The following PRDM11 variants were observed in gnomAD, a reference collection of about 807,000 sequenced individuals.
The protein encoded by PRDM11 is PR/SET domain 11, also known as PR domain-containing protein 11.
In PRDM11, 20 loss-of-function variants were observed where a neutral mutation model predicts 97.8. The ratio of observed to expected loss-of-function variants is 0.20; its 90% CI spans 0.14 to 0.30. The LOEUF (loss-of-function observed/expected upper bound fraction) is 0.30. PRDM11 is among the 10% of genes least tolerant of loss of function. The pLI, the probability that PRDM11 is intolerant of heterozygous loss-of-function variation, is 1.00. For synonymous variants in PRDM11, 599 were observed against 637.7 expected, an observed-to-expected ratio of 0.94 and a Z score of 0.91; for missense variants, 1,139 against 1,555.2, an observed-to-expected ratio of 0.73 and a Z score of 4.50.
intron 1 of PRDM11, among the ~76,000 whole-genome samples, chr11:45,177,331 T>C (rs866100334): frequency 1.3e-5 from 2 of 152,256 alleles, no homozygotes; most frequent in Non-Finnish European, 2.9e-5. Context: ...TGCCAGCAGC[T>C]TGGAATCCTC....
chr11:45,141,545 A>G (rs1214754123), intron 1 of PRDM11, among the ~76,000 whole-genome samples: 4 of 152,222 alleles, frequency 2.6e-5, no homozygotes, highest in Non-Finnish European at 4.4e-5. Flanking sequence ...CAGGTAGCTC[A>G]TGATCCTCTG....
chr11:45,229,334 A>T lies in PRDM11; in HGVS notation c.*1175A>T, dbSNP rs1265478485. ...TCCTCCTTTTGCAACAAGGCTGATAACATGCTACATGGTCATAGGAAACTG... is the reference window on the plus strand; with the variant it reads ...TCCTCCTTTTGCAACAAGGCTGATATCATGCTACATGGTCATAGGAAACTG... On this transcript the variant is annotated 3_prime_UTR_variant, in exon 8 of 8. Transcript: ENST00000683152. The T allele has an allele frequency of 6.6e-6, 1 of 152,154 alleles. No homozygotes were observed. The highest frequency in any genetic ancestry group is 1.5e-5 in the Non-Finnish European group (1 of 68,020). The allele number at this position is 152,154 out of a possible 1,614,324, so 9.4% of individuals were successfully genotyped here.
intron 1 of PRDM11, among the ~76,000 whole-genome samples, chr11:45,103,995 GACTT>G (rs749306527): frequency 6.6e-4 from 100 of 152,240 alleles, no homozygotes; most frequent in Non-Finnish European, 8.2e-4. Context: ...CCTGTAAGTT[GACTT>G]ACTTTTTATA....
chr11:45,105,350 C>G (rs371816981), intron 1 of PRDM11, among the ~76,000 whole-genome samples: 245 of 152,348 alleles, frequency 1.6e-3, no homozygotes, highest in African/African-American at 5.6e-3. Context: ...GGCCACCCAA[C>G]TGGTCATAGC....
intron 1 of PRDM11, among the ~76,000 whole-genome samples, chr11:45,139,046 G>A (rs993310731): frequency 2.6e-5 from 4 of 152,116 alleles, no homozygotes; most frequent in Admixed American, 2.0e-4. Flanking sequence ...TGCAAAAGAG[G>A]CATGAAAGAT....
At position 45,226,603 on chromosome 11, in the gene PRDM11, G is replaced by C; in HGVS notation, c.1978G>C (p.Val660Leu). The C allele has an allele frequency of 6.5e-7, 1 of 1,533,960 alleles. No homozygotes were observed. The highest frequency in any genetic ancestry group is 8.7e-7 in the Non-Finnish European group (1 of 1,146,730). The change falls in exon 8 of 8, where the codon GTC (valine) becomes CTC (leucine). Residue 660 changes from valine (V) to leucine (L), a missense_variant. Physicochemically the swap from Val to Leu is conservative, Grantham distance 32. Transcript: ENST00000683152. ...ERIRQSPCLS[V>L]ILDGQSDDLL... ...CATCCGCCAGTCACCTTGCCTCAGC[G>C]TCATCCTGGATGGGCAGAGCGACGA...
intron 1 of PRDM11, among the ~76,000 whole-genome samples, chr11:45,166,687 AGAT>A (rs1001210661): frequency 3.9e-5 from 6 of 152,266 alleles, no homozygotes; most frequent in African/African-American, 1.4e-4. Context: ...GTGAGTGAAC[AGAT>A]AATGCTTCAC....
At chr11:45,139,472 C>A (rs1852949675) in intron 1 of PRDM11, among the ~76,000 whole-genome samples, 1 of 145,484 alleles carries the variant, frequency 6.9e-6, no homozygotes, top group Non-Finnish European at 1.5e-5. Context: ...GAGGCTGAGG[C>A]AGGAGAATCG....
At chr11:45,144,053 CAT>C (rs779938391), upstream of PRDM11, among the ~76,000 whole-genome samples, 2 of 152,226 alleles carry the variant, frequency 1.3e-5, no homozygotes, top group Non-Finnish European at 2.9e-5. Context: ...ACCCAGAGCA[CAT>C]GTGTCAACCC....
intron 1 of PRDM11, among the ~76,000 whole-genome samples, chr11:45,171,097 T>G (rs1015618347): frequency 1.3e-5 from 2 of 151,886 alleles, no homozygotes; most frequent in Non-Finnish European, 2.9e-5. Flanking sequence ...TTGTTGTTGT[T>G]TTGTTGTTTT....
At chr11:45,222,820 G>A (rs903809480) in intron 6 of PRDM11, among the ~76,000 whole-genome samples, 9 of 152,138 alleles carry the variant, frequency 5.9e-5, no homozygotes, top group East Asian at 1.9e-4. Context: ...GCCTAAGTAC[G>A]TTTTAGTTCA....
chr11:45,208,441 T>A (rs1853593125), intron 5 of PRDM11, among the ~76,000 whole-genome samples: 1 of 152,244 alleles, frequency 6.6e-6, no homozygotes, highest in Admixed American at 6.5e-5. Flanking sequence ...GGCAATGGGC[T>A]AATCCTAATT....
In PRDM11 at chr11:45,130,367, A is replaced by C. The variant is rs376582464; in HGVS notation, c.96+34466A>C. On this transcript the variant is annotated intron_variant, in intron 1 of 6. Transcript: ENST00000530656. ...TGGCAATACATATATCTGAGAAATC[A>C]ATAAAACAAAAAACAATTAAACTTT... 4.6e-5 allele frequency among the ~76,000 whole-genome samples: 7 copies of C among 152,300 alleles called. No homozygotes were observed. The South Asian group carries it at 8.3e-4, about 18-fold the overall frequency.
chr11:45,224,163 T>A (rs1356892721), intron 6 of PRDM11, 54 bp from the exon 7 acceptor site: 1 of 1,518,258 alleles, frequency 6.6e-7, no homozygotes, highest in African/African-American at 1.4e-5. Context: ...TTCTGTTGGT[T>A]TCTCCAATTT....
At chr11:45,124,466 A>G (rs1267675297) in intron 1 of PRDM11, among the ~76,000 whole-genome samples, 1 of 152,030 alleles carries the variant, frequency 6.6e-6, no homozygotes, top group Non-Finnish European at 1.5e-5. Context: ...TCAGTATGAT[A>G]TTGGCTGTGG....
chr11:45,180,633 A>C (rs1852452366), intron 1 of PRDM11, among the ~76,000 whole-genome samples: 1 of 150,676 alleles, frequency 6.6e-6, no homozygotes, highest in African/African-American at 2.4e-5. Flanking sequence ...GGCCGGCAAG[A>C]AGCCACATGC....
intron 5 of PRDM11, among the ~76,000 whole-genome samples, chr11:45,211,056 C>T (rs1241116409): frequency 6.6e-6 from 1 of 152,208 alleles, no homozygotes; most frequent in African/African-American, 2.4e-5. Flanking sequence ...TCACAGCCCT[C>T]CTTTTCCTGG....
chr11:45,116,528 C>A (rs1415513478), intron 1 of PRDM11, among the ~76,000 whole-genome samples: 4 of 152,148 alleles, frequency 2.6e-5, no homozygotes, highest in Non-Finnish European at 5.9e-5. Context: ...ATTAACATAT[C>A]TTTAAATAAC....
At chr11:45,095,750 C>T (rs573371591), upstream of PRDM11, 25 of 697,864 alleles carry the variant, frequency 3.6e-5, no homozygotes, top group African/African-American at 1.8e-4. Flanking sequence ...TTATGATGGC[C>T]GCAGATACGA....
Sources: gnomAD v4.1 joint callset for allele counts (sites outside exome capture counted in the v4.1 genomes callset) on GRCh38, gnomAD v4.1.1 for gene constraint, MANE v1.5 for transcripts, NCBI Gene and HGNC (gene_info 2026-07-23, HGNC 2026-07-21) for gene names.